The following PCDH7 variants were observed in gnomAD, a reference collection of about 807,000 sequenced individuals.
The protein encoded by PCDH7 is protocadherin 7.
In PCDH7, 17 loss-of-function variants were observed where a neutral mutation model predicts 58.9. That is an observed-to-expected ratio of 0.29 (90% CI 0.20 to 0.43). PCDH7 has a LOEUF of 0.43. Ranked by LOEUF, PCDH7 falls within the 20% of genes least tolerant of loss-of-function variation. The pLI, the probability that PCDH7 is intolerant of heterozygous loss-of-function variation, is 1.00. For synonymous variants in PCDH7, 664 were observed against 616.4 expected (o/e 1.08, Z -1.14); for missense variants, 1,274 against 1,441.0 (o/e 0.88, Z 1.88).
intron 1 of PCDH7, among the ~76,000 whole-genome samples, chr4:30,774,041 C>CT (rs1158648703): frequency 6.6e-6 from 1 of 152,194 alleles, no homozygotes; most frequent in Non-Finnish European, 1.5e-5. Flanking sequence ...TTCAGTTACG[C>CT]TTTTTCAGCA....
At chr4:30,820,072 T>A (rs1728189612) in intron 1 of PCDH7, among the ~76,000 whole-genome samples, 2 of 152,280 alleles carry the variant, frequency 1.3e-5, no homozygotes, top group South Asian at 2.1e-4. Flanking sequence ...TCTTGGACTT[T>A]CAATTAGCAT....
chr4:31,119,948 G>GT (rs200774411), intron 3 of PCDH7, among the ~76,000 whole-genome samples: 8,897 of 145,814 alleles, frequency 0.061, 323 homozygotes, highest in South Asian at 0.12. Context: ...CCAGTTTCAG[G>GT]TTTTTTTTTT....
intron 3 of PCDH7, among the ~76,000 whole-genome samples, chr4:31,132,029 TA>T (rs1462949959): frequency 2.0e-5 from 3 of 152,152 alleles, no homozygotes. Context: ...CATAAAATAA[TA>T]AATAGAAAAT....
intron 3 of PCDH7, among the ~76,000 whole-genome samples, chr4:31,085,796 C>A (rs965872535): frequency 6.6e-6 from 1 of 150,924 alleles, no homozygotes; most frequent in African/African-American, 2.4e-5. Context: ...ATTATAAAGT[C>A]AAAAATATAT....
intron 2 of PCDH7, among the ~76,000 whole-genome samples, chr4:30,938,191 T>A (rs1745582034): frequency 1.3e-5 from 2 of 152,088 alleles, no homozygotes; most frequent in Admixed American, 1.3e-4. Flanking sequence ...TCCACATTAT[T>A]GCTCAGACAC....
rs1295008987 is a variant in PCDH7 at position 31,013,313 on chromosome 4, T to TAC, written c.*7+63110_*7+63111dup. ...ACATATATCTAAGACTATATATGTA[T>TAC]ACACACACACACATACACACATACT... On this transcript the variant is annotated intron_variant, in intron 3 of 3. Transcript: ENST00000509759. Among the ~76,000 whole-genome samples the TAC allele has an allele frequency of 2.9e-5, 4 of 138,878 alleles. No homozygotes were observed. The East Asian group carries it at 1.1e-3, about 39-fold the overall frequency. 91.1% of individuals were successfully genotyped at this position (138,878 alleles called of 152,430 possible). A position where few individuals can be genotyped will look rare whatever the true frequency, so the allele number is the denominator to read the frequency against.
intron 1 of PCDH7, among the ~76,000 whole-genome samples, chr4:30,882,095 T>A (rs1287682308): frequency 7.5e-6 from 1 of 133,292 alleles, no homozygotes; most frequent in African/African-American, 2.8e-5. Context: ...CCCTGCTTCC[T>A]CCCCCTCCTC....
At chr4:30,971,284 TAAAAC>T (rs1749559342) in intron 3 of PCDH7, among the ~76,000 whole-genome samples, 1 of 152,060 alleles carries the variant, frequency 6.6e-6, no homozygotes, top group Non-Finnish European at 1.5e-5. Flanking sequence ...AGGGGGAAAA[TAAAAC>T]AAAACAATAT....
chr4:30,744,059 G>A lies in PCDH7; in HGVS notation c.70+19463G>A, dbSNP rs567695935. On this transcript the variant is annotated intron_variant, in intron 1 of 3. Transcript: ENST00000509759. ...TACAACAGTCAGTTTATGATAGTCT[G>A]AGGTGTTGCTCTTTTCTTTCCTCAG... is the stretch of plus-strand genomic sequence containing the variant. 2.0e-5 allele frequency among the ~76,000 whole-genome samples: 3 copies of A among 152,210 alleles called. No individual in the cohort carries two copies. The East Asian group carries it at 5.8e-4, about 29-fold the overall frequency.
chr4:31,084,553 C>T (rs923891449), intron 3 of PCDH7, among the ~76,000 whole-genome samples: 2 of 150,590 alleles, frequency 1.3e-5, no homozygotes, highest in African/African-American at 4.9e-5. Flanking sequence ...AGCATGGTGC[C>T]TGCATCTGCT....
chr4:31,074,389 A>T (rs947069281), intron 3 of PCDH7, among the ~76,000 whole-genome samples: 1 of 151,922 alleles, frequency 6.6e-6, no homozygotes, highest in Non-Finnish European at 1.5e-5. Flanking sequence ...GGCTTTCAAA[A>T]ACGATGTTAA....
At chr4:30,911,404 T>C (rs1268846123) in intron 1 of PCDH7, among the ~76,000 whole-genome samples, 3 of 151,068 alleles carry the variant, frequency 2.0e-5, no homozygotes, top group Non-Finnish European at 4.4e-5. Flanking sequence ...TTACACTCCG[T>C]TGGCAAAGCC....
At chr4:31,098,189 G>A (rs942938987) in intron 3 of PCDH7, among the ~76,000 whole-genome samples, 2 of 152,162 alleles carry the variant, frequency 1.3e-5, no homozygotes, top group Non-Finnish European at 2.9e-5. Flanking sequence ...GGCAGGCCAG[G>A]GTCACTAGTT....
rs1713468375 is a variant in PCDH7 at position 30,721,293 on chromosome 4, C to G, written c.-130C>G. The G allele has an allele frequency of 3.2e-6, 3 of 951,322 alleles. No homozygotes were observed. In the East Asian group the frequency reaches 8.6e-5, roughly 27 times the overall value. 58.9% of individuals were successfully genotyped at this position (951,322 alleles called of 1,614,324 possible). On this transcript the variant is annotated 5_prime_UTR_variant, in exon 1 of 2. Transcript: ENST00000361762. The surrounding 1 kb of genome is among the most constrained non-coding windows in gnomAD (Gnocchi z 6.7). The stretch of plus-strand genomic sequence containing the variant: ...CACGCCGCTTTTGCCCCCTCCCTCC[C>G]CTCCCTCTCGCTCCTTCCTTTCCGG...
intron 3 of PCDH7, among the ~76,000 whole-genome samples, chr4:31,029,928 G>C (rs1469344083): frequency 6.6e-6 from 1 of 152,144 alleles, no homozygotes; most frequent in Non-Finnish European, 1.5e-5. Context: ...TAATGCAGAA[G>C]TAGTTTAGAA....
At chr4:31,032,233 A>C (rs1310753014) in intron 3 of PCDH7, among the ~76,000 whole-genome samples, 1 of 152,236 alleles carries the variant, frequency 6.6e-6, no homozygotes, top group Non-Finnish European at 1.5e-5. Context: ...AAGATCATAC[A>C]TCTAGAGAAT....
intron 2 of PCDH7, among the ~76,000 whole-genome samples, chr4:30,935,150 A>G (rs919734113): frequency 6.6e-6 from 1 of 152,094 alleles, no homozygotes; most frequent in South Asian, 2.1e-4. Flanking sequence ...TTAGTTATTT[A>G]TAGAAGTATT....
At chr4:30,726,146 G>T (rs1714583774) in intron 1 of PCDH7, among the ~76,000 whole-genome samples, 1 of 151,976 alleles carries the variant, frequency 6.6e-6, no homozygotes, top group Admixed American at 6.5e-5. Flanking sequence ...GTGTTGTTTT[G>T]GTGCTTTTAT....
intron 2 of PCDH7, among the ~76,000 whole-genome samples, chr4:30,941,368 T>G (rs2109436557): frequency 6.6e-6 from 1 of 152,116 alleles, no homozygotes; most frequent in Middle Eastern, 3.4e-3. Context: ...TCATTTTCAT[T>G]TGGGTAAACT....
Sources: allele counts gnomAD v4.1 joint callset (sites outside exome capture counted in the v4.1 genomes callset), GRCh38; gene constraint gnomAD v4.1.1; non-coding constraint Gnocchi (gnomAD v3.1); transcripts MANE v1.5; gene names NCBI Gene and HGNC (gene_info 2026-07-23, HGNC 2026-07-21).